GPC6: variants seen among roughly 807,000 people sequenced by gnomAD.
The protein encoded by GPC6 is glypican-6.
In GPC6, 14 loss-of-function variants were observed where a neutral mutation model predicts 55.2. The ratio of observed to expected loss-of-function variants is 0.25; its 90% CI spans 0.17 to 0.40. The LOEUF (loss-of-function observed/expected upper bound fraction) is 0.40, where lower values mean the gene tolerates loss of function less well. Ranked by LOEUF, GPC6 falls within the 10% of genes least tolerant of loss-of-function variation. The pLI, the probability that GPC6 is intolerant of heterozygous loss-of-function variation, is 1.00. For missense variants in GPC6, 641 were observed against 708.5 expected (o/e 0.90, Z 1.08); for synonymous variants, 278 against 259.6 (o/e 1.07, Z -0.68).
intron 2 of GPC6, among the ~76,000 whole-genome samples, chr13:93,811,833 G>A (rs1594477724): frequency 6.6e-6 from 1 of 152,184 alleles, no homozygotes; most frequent in East Asian, 1.9e-4. Context: ...TCCCATACAT[G>A]CAAAATGTGA....
chr13:93,990,522 A>G (rs1177424063), intron 3 of GPC6, among the ~76,000 whole-genome samples: 1 of 152,058 alleles, frequency 6.6e-6, no homozygotes, highest in Admixed American at 6.6e-5. Flanking sequence ...ATATCGTTCA[A>G]AAGTGGAGAT....
intron 3 of GPC6, among the ~76,000 whole-genome samples, chr13:93,904,534 G>A (rs1380560662): frequency 6.6e-6 from 1 of 151,938 alleles, no homozygotes; most frequent in East Asian, 1.9e-4. Context: ...AACACTCTCT[G>A]GGACCACCAG....
intron 4 of GPC6, among the ~76,000 whole-genome samples, chr13:94,073,451 T>C (rs1456185835): frequency 2.0e-5 from 3 of 152,192 alleles, no homozygotes; most frequent in African/African-American, 7.2e-5. Context: ...TAAAAATTTT[T>C]AAGGGGCTGT....
chr13:94,186,404 CATT>C (rs1054425779), intron 4 of GPC6, among the ~76,000 whole-genome samples: 1 of 152,198 alleles, frequency 6.6e-6, no homozygotes, highest in Non-Finnish European at 1.5e-5. Context: ...AATTTCGTAT[CATT>C]GTCTTACCTT....
At chr13:93,756,185 A>G (rs1023188564) in intron 2 of GPC6, among the ~76,000 whole-genome samples, 38 of 152,162 alleles carry the variant, frequency 2.5e-4, no homozygotes, top group African/African-American at 8.9e-4. Flanking sequence ...CAGTGTGTCA[A>G]TCAAGATGTT....
chr13:93,585,629 A>G (rs1047559908), intron 2 of GPC6, among the ~76,000 whole-genome samples: 3 of 152,216 alleles, frequency 2.0e-5, no homozygotes, highest in Non-Finnish European at 4.4e-5. Context: ...CTTAAAAGAA[A>G]TTTTGAAGGC....
intron 2 of GPC6, among the ~76,000 whole-genome samples, chr13:93,794,485 A>G (rs1229316172): frequency 1.3e-5 from 2 of 152,232 alleles, no homozygotes; most frequent in African/African-American, 4.8e-5. Context: ...CAGTTTTTCT[A>G]GTTTAATACA....
chr13:94,279,985 T>C (rs1246325874), intron 4 of GPC6, among the ~76,000 whole-genome samples: 2 of 152,220 alleles, frequency 1.3e-5, no homozygotes, highest in Non-Finnish European at 2.9e-5. Context: ...TGAGTTCAAG[T>C]CCTGAATATC....
At chr13:93,506,778 C>T (rs1401255504) in intron 1 of GPC6, among the ~76,000 whole-genome samples, 3 of 149,976 alleles carry the variant, frequency 2.0e-5, no homozygotes, top group African/African-American at 7.4e-5. Context: ...TGGTGGCTCA[C>T]ACCTGTAATC....
intron 4 of GPC6, among the ~76,000 whole-genome samples, chr13:94,100,169 A>G (rs1885804894): frequency 6.6e-6 from 1 of 152,226 alleles, no homozygotes; most frequent in Admixed American, 6.5e-5. Flanking sequence ...GATGAAGACA[A>G]TCAGACTCAA....
chr13:93,637,531 G>C lies in GPC6; in HGVS notation c.319+92110G>C, dbSNP rs140395947. On this transcript the variant is annotated intron_variant, in intron 2 of 8. Transcript: ENST00000377047. ...CTTTGAAGGAAGATTTATCGTCTCA[G>C]GTTATGCATGTGAAATATGGAACAG... Among the ~76,000 whole-genome samples the C allele has an allele frequency of 2.5e-3, 374 of 152,178 alleles. 3 individuals are homozygous for C. The highest frequency in any genetic ancestry group is 8.9e-3 in the African/African-American group (369 of 41,548).
At chr13:93,852,835 C>A (rs753585448) in intron 3 of GPC6, among the ~76,000 whole-genome samples, 9 of 151,614 alleles carry the variant, frequency 5.9e-5, no homozygotes, top group Non-Finnish European at 1.3e-4. Flanking sequence ...GGATATTTCA[C>A]CCTCTCTCTT....
In GPC6 at chr13:94,279,598, CT is replaced by C. The variant is rs559457397; in HGVS notation, c.878-6749del. 5.1e-3 allele frequency among the ~76,000 whole-genome samples: 775 copies of C among 152,212 alleles called. 5 individuals are homozygous for C. The highest frequency in any genetic ancestry group is 0.014 in the Middle Eastern group (4 of 294). On this transcript the variant is annotated intron_variant, in intron 4 of 8. Coordinates refer to ENST00000377047, the MANE Select transcript of GPC6 (RefSeq NM_005708.5). ...GGCATTTAGTACTATAAATTTCCCTCTTAACACTGCTTTAGGTGTGTCCCAG... is the reference window on the plus strand; with the variant it reads ...GGCATTTAGTACTATAAATTTCCCTCTAACACTGCTTTAGGTGTGTCCCAG...
intron 3 of GPC6, among the ~76,000 whole-genome samples, chr13:93,880,654 T>C (rs1024722728): frequency 6.6e-6 from 1 of 152,058 alleles, no homozygotes; most frequent in Non-Finnish European, 1.5e-5. Context: ...GCATGGCACA[T>C]GTATACATAT....
At chr13:94,330,777 T>C (rs1429935959) in intron 6 of GPC6, among the ~76,000 whole-genome samples, 8 of 152,086 alleles carry the variant, frequency 5.3e-5, no homozygotes, top group African/African-American at 1.9e-4. Context: ...CTCAAAAAGG[T>C]ACAGAGGAGA....
chr13:93,940,605 G>C (rs1040748232), intron 3 of GPC6, among the ~76,000 whole-genome samples: 9 of 152,110 alleles, frequency 5.9e-5, no homozygotes, highest in African/African-American at 2.2e-4. Context: ...AGACCCAATA[G>C]ATACACCAAA....
intron 2 of GPC6, among the ~76,000 whole-genome samples, chr13:93,616,494 T>C (rs763623069): frequency 1.8e-4 from 27 of 152,226 alleles, no homozygotes; most frequent in Non-Finnish European, 3.4e-4. Flanking sequence ...AAAAATCAAC[T>C]TAGTTTCATT....
At chr13:94,117,226 C>A (rs1203043038) in intron 4 of GPC6, among the ~76,000 whole-genome samples, 3 of 152,144 alleles carry the variant, frequency 2.0e-5, no homozygotes, top group Non-Finnish European at 4.4e-5. Context: ...GACTCCACCT[C>A]ACTGACTCTG....
intron 3 of GPC6, among the ~76,000 whole-genome samples, chr13:93,926,880 T>A (rs749430760): frequency 4.6e-5 from 7 of 152,186 alleles, no homozygotes; most frequent in Non-Finnish European, 8.8e-5. Context: ...CCAGAGCTTA[T>A]GCGAACATGT....
Sources: gnomAD v4.1 joint callset for allele counts (sites outside exome capture counted in the v4.1 genomes callset) on GRCh38, gnomAD v4.1.1 for gene constraint, MANE v1.5 for transcripts, NCBI Gene and HGNC (gene_info 2026-07-23, HGNC 2026-07-21) for gene names.